SH3GL3: variants seen among roughly 807,000 people sequenced by gnomAD.
SH3GL3 encodes the protein endophilin-A3.
A neutral mutation model predicts 47.7 loss-of-function variants in SH3GL3; 33 were observed. That is an observed-to-expected ratio of 0.69 (90% confidence interval 0.52 to 0.92). The LOEUF is 0.92. Ranked by LOEUF, SH3GL3 falls within the 40% of genes least tolerant of loss-of-function variation. The pLI is 0.00. For synonymous variants in SH3GL3, 155 were observed against 148.8 expected, an observed-to-expected ratio of 1.04 and a Z score of -0.30; for missense variants, 363 against 417.8, an observed-to-expected ratio of 0.87 and a Z score of 1.14.
intron 1 of SH3GL3, among the ~76,000 whole-genome samples, chr15:83,463,116 C>T (rs1487545564): frequency 6.6e-6 from 1 of 152,182 alleles, no homozygotes; most frequent in Non-Finnish European, 1.5e-5. Flanking sequence ...CGAGATAAGG[C>T]TATCTCAAGG....
At chr15:83,621,661 C>A (rs1396658271), downstream of SH3GL3, among the ~76,000 whole-genome samples, 1 of 152,142 alleles carries the variant, frequency 6.6e-6, no homozygotes, top group Non-Finnish European at 1.5e-5. Context: ...AAAAATAACG[C>A]CGATAAAAAC....
chr15:83,548,712 T>C (rs995574648), intron 1 of SH3GL3, among the ~76,000 whole-genome samples: 11 of 152,162 alleles, frequency 7.2e-5, no homozygotes, highest in African/African-American at 2.7e-4. Context: ...TATCTTTCTC[T>C]TTGTCTTTGG....
intron 1 of SH3GL3, among the ~76,000 whole-genome samples, chr15:83,474,927 G>A (rs1418516910): frequency 1.3e-5 from 2 of 152,040 alleles, no homozygotes; most frequent in African/African-American, 4.8e-5. Context: ...TCACAAGTGG[G>A]CTGAGCAAAG....
chr15:83,626,867 C>T, the SH3GL3 span, among the ~76,000 whole-genome samples: 604 of 152,222 alleles, frequency 4.0e-3, 3 homozygotes, highest in African/African-American at 0.014. Context: ...TTTTTACTCC[C>T]GCTATTGTGT....
At chr15:83,609,703 A>G (rs1324204865) in intron 8 of SH3GL3, among the ~76,000 whole-genome samples, 1 of 152,080 alleles carries the variant, frequency 6.6e-6, no homozygotes, top group African/African-American at 2.4e-5. Context: ...GTCTGAAAAG[A>G]ACCCAAGTTC....
At chr15:83,491,286 C>G (rs1480025253) in intron 1 of SH3GL3, among the ~76,000 whole-genome samples, 1 of 152,172 alleles carries the variant, frequency 6.6e-6, no homozygotes, top group Non-Finnish European at 1.5e-5. Context: ...AACCAAAATG[C>G]AATGAAGCTC....
At chr15:83,580,998 C>G (rs563656377) in intron 6 of SH3GL3, among the ~76,000 whole-genome samples, 1 of 152,318 alleles carries the variant, frequency 6.6e-6, no homozygotes, top group East Asian at 1.9e-4. Context: ...GCTTGGTGCT[C>G]TTGTGCTACC....
chr15:83,569,752 T>A (rs1048969039), intron 4 of SH3GL3, among the ~76,000 whole-genome samples: 1 of 152,246 alleles, frequency 6.6e-6, no homozygotes, highest in Non-Finnish European at 1.5e-5. Flanking sequence ...CTGTTTTAAC[T>A]CCATCTTTTG....
intron 1 of SH3GL3, among the ~76,000 whole-genome samples, chr15:83,467,343 A>G (rs960836800): frequency 6.6e-6 from 1 of 152,148 alleles, no homozygotes; most frequent in African/African-American, 2.4e-5. Flanking sequence ...TCAACTGAGC[A>G]TATTTGTGTG....
intron 1 of SH3GL3, among the ~76,000 whole-genome samples, chr15:83,494,757 G>C (rs912785976): frequency 6.6e-6 from 1 of 152,106 alleles, no homozygotes; most frequent in Non-Finnish European, 1.5e-5. Context: ...TGGCCAGGCT[G>C]GTCTCGAACT....
chr15:83,618,305 T>G lies in SH3GL3; in HGVS notation c.*18T>G. 6.7e-7 allele frequency: 1 copy of G among 1,482,732 alleles called. No individual in the cohort carries two copies. The highest frequency in any genetic ancestry group is 9.4e-7 in the Non-Finnish European group (1 of 1,060,254). 91.8% of individuals were successfully genotyped at this position (1,482,732 alleles called of 1,614,324 possible). A position where few individuals can be genotyped will look rare whatever the true frequency, so the allele number is the denominator to read the frequency against. ...CTCAGTAAATGTGTAACACAAACTCTGGACATACTTTCGTAACTGAAATGA... is the reference window on the plus strand; with the variant it reads ...CTCAGTAAATGTGTAACACAAACTCGGGACATACTTTCGTAACTGAAATGA... On this transcript the variant is annotated 3_prime_UTR_variant, in exon 9 of 9. Transcript: ENST00000427482.
intron 1 of SH3GL3, among the ~76,000 whole-genome samples, chr15:83,530,289 G>A (rs577204249): frequency 4.6e-5 from 7 of 152,258 alleles, no homozygotes; most frequent in African/African-American, 1.7e-4. Context: ...GGGCCCAGGA[G>A]GATAGAGAGG....
intron 1 of SH3GL3, among the ~76,000 whole-genome samples, chr15:83,540,922 C>T (rs770169867): frequency 3.3e-5 from 5 of 152,128 alleles, no homozygotes; most frequent in Admixed American, 6.6e-5. Context: ...TTAACCATCC[C>T]GATTCCCTCT....
At chr15:83,523,123 C>T (rs2043277032) in intron 1 of SH3GL3, among the ~76,000 whole-genome samples, 1 of 152,214 alleles carries the variant, frequency 6.6e-6, no homozygotes, top group African/African-American at 2.4e-5. Context: ...TGAGCAAAGT[C>T]ATGAAAGTTT....
downstream of SH3GL3, among the ~76,000 whole-genome samples, chr15:83,622,810 A>G (rs1306116996): frequency 6.6e-6 from 1 of 152,072 alleles, no homozygotes; most frequent in Non-Finnish European, 1.5e-5. Context: ...TGGCTCTAGT[A>G]CTCCTAATTC....
intron 8 of SH3GL3, among the ~76,000 whole-genome samples, chr15:83,605,532 T>C (rs1011289228): frequency 6.6e-6 from 1 of 152,170 alleles, no homozygotes; most frequent in African/African-American, 2.4e-5. Flanking sequence ...GAACATTTTC[T>C]TCATCATTTC....
intron 1 of SH3GL3, among the ~76,000 whole-genome samples, chr15:83,498,919 C>G (rs2042183804): frequency 1.3e-5 from 2 of 152,144 alleles, no homozygotes; most frequent in South Asian, 4.1e-4. Context: ...TTGGGTTATC[C>G]CTTTGGACCA....
chr15:83,558,332 G>A (rs529637880), intron 1 of SH3GL3, among the ~76,000 whole-genome samples: 3 of 152,206 alleles, frequency 2.0e-5, no homozygotes, highest in African/African-American at 4.8e-5. Context: ...TGCTCTGGGC[G>A]TTGCGTAACT....
At chr15:83,490,420 A>G (rs2041828411) in intron 1 of SH3GL3, among the ~76,000 whole-genome samples, 3 of 152,090 alleles carry the variant, frequency 2.0e-5, no homozygotes, top group Admixed American at 6.6e-5. Context: ...CCTCTCAGAG[A>G]GGAAGCCAAG....
Sources: allele counts gnomAD v4.1 joint callset (sites outside exome capture counted in the v4.1 genomes callset), GRCh38; gene constraint gnomAD v4.1.1; transcripts MANE v1.5; gene names NCBI Gene and HGNC (gene_info 2026-07-23, HGNC 2026-07-21).